Variants in KIF26B observed in about 807,000 individuals in gnomAD.
The protein encoded by KIF26B is kinesin family member 26B.
A neutral mutation model predicts 151.2 loss-of-function variants in KIF26B; 63 were observed. That is an observed-to-expected ratio of 0.42 (90% CI 0.34 to 0.51). KIF26B has a LOEUF of 0.51. KIF26B is among the 20% of genes least tolerant of loss of function. KIF26B has a pLI of 0.07. For missense variants in KIF26B, 2,813 were observed against 2,913.6 expected (o/e 0.97, Z 0.79); for synonymous variants, 1,357 against 1,262.1 (o/e 1.08, Z -1.59).
chr1:245,516,705 G>A lies in KIF26B; in HGVS notation c.1167-24062G>A, dbSNP rs1345244085. ...TTGGCTGCTCTAAAGGGAAGTTGAG[G>A]AATACTGCAAAGCCACAAATCTGAG... On this transcript the variant is annotated intron_variant, in intron 4 of 14. Coordinates refer to ENST00000407071, the MANE Select transcript of KIF26B (RefSeq NM_018012.4). The surrounding 1 kb of genome is among the most constrained non-coding windows in gnomAD (Gnocchi z 4.2). Among the ~76,000 whole-genome samples, 2 of 152,120 alleles carry A rather than the reference G, an allele frequency of 1.3e-5. No homozygotes were observed. Among genetic ancestry groups the A allele is most frequent in the East Asian group, 3.9e-4 (2 of 5,190 alleles).
intron 4 of KIF26B, among the ~76,000 whole-genome samples, chr1:245,450,999 G>A (rs1467712230): frequency 6.6e-6 from 1 of 151,990 alleles, no homozygotes; most frequent in Non-Finnish European, 1.5e-5. Context: ...AATTCCTCGT[G>A]CCCACGGCCA....
chr1:245,400,881 T>C (rs1203360426), intron 3 of KIF26B, among the ~76,000 whole-genome samples: 7 of 152,004 alleles, frequency 4.6e-5, no homozygotes, highest in African/African-American at 1.4e-4. Context: ...AGCTCAGCTC[T>C]AGAAGGAAAG....
intron 4 of KIF26B, among the ~76,000 whole-genome samples, chr1:245,470,500 G>A (rs1006868475): frequency 3.3e-5 from 5 of 152,120 alleles, no homozygotes; most frequent in Admixed American, 6.5e-5. Flanking sequence ...GTGCGATCTC[G>A]GCTCACTGCA....
chr1:245,645,441 C>T (rs1378645551), intron 9 of KIF26B, among the ~76,000 whole-genome samples: 1 of 152,212 alleles, frequency 6.6e-6, no homozygotes, highest in East Asian at 1.9e-4. Context: ...TGTACTTCAG[C>T]AGCAGAGGTA....
intron 2 of KIF26B, among the ~76,000 whole-genome samples, chr1:245,172,087 GTTTA>G (rs1001264530): frequency 1.7e-4 from 22 of 131,678 alleles, no homozygotes; most frequent in African/African-American, 6.0e-4. Context: ...CCACCTGTTT[GTTTA>G]TCCACTCATC....
intron 2 of KIF26B, among the ~76,000 whole-genome samples, chr1:245,289,635 A>G (rs535801845): frequency 1.3e-5 from 2 of 152,006 alleles, no homozygotes; most frequent in African/African-American, 4.8e-5. Flanking sequence ...TTTCTCATCC[A>G]TCTGAATTTC....
intron 2 of KIF26B, among the ~76,000 whole-genome samples, chr1:245,180,005 C>T (rs562365391): frequency 6.6e-6 from 1 of 152,176 alleles, no homozygotes; most frequent in African/African-American, 2.4e-5. Context: ...CCCCCTGCAT[C>T]CTGATGAAGA....
chr1:245,531,665 C>T (rs1296538901), intron 4 of KIF26B, among the ~76,000 whole-genome samples: 2 of 152,174 alleles, frequency 1.3e-5, no homozygotes, highest in East Asian at 1.9e-4. Context: ...GGCAGGTCTG[C>T]GCCTATAGAA....
chr1:245,619,320 C>G (rs12738037), intron 9 of KIF26B, among the ~76,000 whole-genome samples: 2 of 152,206 alleles, frequency 1.3e-5, no homozygotes, highest in Non-Finnish European at 2.9e-5. Context: ...TCTCCTTTGT[C>G]CAAATGAAAT....
intron 4 of KIF26B, among the ~76,000 whole-genome samples, chr1:245,427,565 G>A (rs186052895): frequency 2.0e-5 from 3 of 152,264 alleles, no homozygotes; most frequent in East Asian, 1.9e-4. Flanking sequence ...CCAAGATCAC[G>A]CCATTGCACT....
intron 2 of KIF26B, among the ~76,000 whole-genome samples, chr1:245,362,926 G>A (rs1222604099): frequency 6.6e-6 from 1 of 152,188 alleles, no homozygotes; most frequent in Non-Finnish European, 1.5e-5. Flanking sequence ...TAAAAATTGG[G>A]ACCTTAAACA....
chr1:245,668,903 C>G (rs2044249689), intron 10 of KIF26B, among the ~76,000 whole-genome samples: 1 of 152,068 alleles, frequency 6.6e-6, no homozygotes, highest in Non-Finnish European at 1.5e-5. Context: ...GTTGGCCAGG[C>G]TGGTCGCGAA....
intron 2 of KIF26B, 54 bp downstream of exon 2, chr1:245,156,737 GCCA>G (rs1668443810): frequency 8.5e-7 from 1 of 1,183,042 alleles, no homozygotes; most frequent in Admixed American, 4.0e-5. Context: ...GGGCCGGGCC[GCCA>G]CCCACAGCAG....
In KIF26B at chr1:245,695,857, G is replaced by A. The variant is rs1394660730; in HGVS notation, c.5825-2249G>A. Among the ~76,000 whole-genome samples, 8 of 74,334 alleles carry A rather than the reference G, an allele frequency of 1.1e-4. 1 individual carries two copies. The highest frequency in any genetic ancestry group is 6.7e-4 in the Admixed American group (5 of 7,448). 48.8% of individuals were successfully genotyped at this position (74,334 alleles called of 152,430 possible). A position where few individuals can be genotyped will look rare whatever the true frequency, so the allele number is the denominator to read the frequency against. Reference sequence around the variant, plus strand: ...CCCAGCTCACACGGTGCCCTGGCACGGGTATTGGCAGGACTCTCCAGGCGT... The same window carrying A: ...CCCAGCTCACACGGTGCCCTGGCACAGGTATTGGCAGGACTCTCCAGGCGT... On this transcript the variant is annotated intron_variant, in intron 12 of 14. Transcript: ENST00000407071.
rs546053831 is a variant in KIF26B, at chr1:245,642,140, G to A, written c.2099-3981G>A. The stretch of plus-strand genomic sequence containing the variant: ...TGTTATGTGGGAACACTGGCCACCA[G>A]GGACCTGAGTCCTGAAGACTGTCCT... On this transcript the variant is annotated intron_variant, in intron 9 of 14. Coordinates refer to ENST00000407071, the MANE Select transcript of KIF26B (RefSeq NM_018012.4). Among the ~76,000 whole-genome samples, 11 of 152,284 alleles carry A rather than the reference G, an allele frequency of 7.2e-5. No individual in the cohort carries two copies. The South Asian group carries it at 2.3e-3, about 32-fold the overall frequency.
chr1:245,401,200 G>C (rs992111341), intron 3 of KIF26B, among the ~76,000 whole-genome samples: 8 of 152,260 alleles, frequency 5.3e-5, no homozygotes, highest in African/African-American at 1.9e-4. Flanking sequence ...GATTAATATA[G>C]AGTTTTGAAG....
chr1:245,521,626 A>T (rs1483198881), intron 4 of KIF26B, among the ~76,000 whole-genome samples: 1 of 152,154 alleles, frequency 6.6e-6, no homozygotes, highest in Non-Finnish European at 1.5e-5. Context: ...TTGGGAAGAC[A>T]TGCAACAAGG....
In KIF26B at chr1:245,619,603, C is replaced by CAAAAAAAAAAAA. The variant is rs34022501; in HGVS notation, c.2098+7635_2098+7646dup. Among the ~76,000 whole-genome samples, 33 of 110,760 alleles carry CAAAAAAAAAAAA rather than the reference C, an allele frequency of 3.0e-4. 1 individual carries two copies. The highest frequency in any genetic ancestry group is 6.2e-4 in the Admixed American group (6 of 9,646). The allele number at this position is 110,760 out of a possible 152,430, so 72.7% of individuals were successfully genotyped here. A position where few individuals can be genotyped will look rare whatever the true frequency, so the allele number is the denominator to read the frequency against. ...CCTGGGCAATAGAGGGAAACTGTTT[C>CAAAAAAAAAAAA]AAAAAAAAAAAAAAAAAAAGAATCT... On this transcript the variant is annotated intron_variant, in intron 9 of 14. Transcript: ENST00000407071.
At chr1:245,478,212 A>G (rs1355613421) in intron 4 of KIF26B, among the ~76,000 whole-genome samples, 2 of 151,754 alleles carry the variant, frequency 1.3e-5, no homozygotes, top group African/African-American at 4.8e-5. Flanking sequence ...GTATGGATAG[A>G]CCAGTTTTTG....
Sources: allele counts gnomAD v4.1 joint callset (sites outside exome capture counted in the v4.1 genomes callset), GRCh38; gene constraint gnomAD v4.1.1; non-coding constraint Gnocchi (gnomAD v3.1); transcripts MANE v1.5; gene names NCBI Gene and HGNC (gene_info 2026-07-23, HGNC 2026-07-21).